ACSF3: variants seen among roughly 807,000 people sequenced by gnomAD.
ACSF3 encodes acyl-CoA synthetase family member 3.
In ACSF3, 78 loss-of-function variants were observed where a neutral mutation model predicts 53.2. The ratio of observed to expected loss-of-function variants is 1.47; its 90% CI spans 1.22 to 1.77. The LOEUF is 1.77. ACSF3 is among the 40% of genes most tolerant of loss of function. The probability of loss-of-function intolerance (pLI) is 0.00; values close to 1 mark genes in which losing one functional copy is unlikely to be tolerated. For missense variants in ACSF3, 937 were observed against 771.1 expected (o/e 1.22, Z -2.55); for synonymous variants, 414 against 333.1 (o/e 1.24, Z -2.65).
intron 2 of ACSF3, among the ~76,000 whole-genome samples, chr16:89,099,502 TG>T (rs1313636914): frequency 1.3e-5 from 2 of 152,190 alleles, no homozygotes; most frequent in African/African-American, 2.4e-5. Flanking sequence ...TTGGCTTGGC[TG>T]GGTGCAGTGG....
intron 8 of ACSF3, among the ~76,000 whole-genome samples, chr16:89,134,033 C>A (rs966412568): frequency 6.6e-6 from 1 of 152,160 alleles, no homozygotes; most frequent in East Asian, 1.9e-4. Flanking sequence ...CCCCATGGGG[C>A]GTATTTGGAC....
At chr16:89,148,101 G>GTTTTTTTTTTTT (rs71158780) in intron 10 of ACSF3, 1 of 117,670 alleles carries the variant, frequency 8.5e-6, no homozygotes, top group African/African-American at 3.3e-5. Context: ...TTCTTTTTTG[G>GTTTTTTTTTTTT]TTTTTTTTTT....
chr16:89,144,733 G>GCAGCACAGCCAGGAGGCC (rs1267308844), intron 8 of ACSF3, among the ~76,000 whole-genome samples: 2 of 152,334 alleles, frequency 1.3e-5, no homozygotes, highest in Admixed American at 6.5e-5. Context: ...TGCAGCAGTA[G>GCAGCACAGCCAGGAGGCC]CAGCACAGCC....
rs1974916535 is a variant in ACSF3 at position 89,098,744 on chromosome 16, C to T, written c.-40C>T. ...AACTGCGAACTTCCCCTTACCTCCT[C>T]TCTCTGGCTCGGGAGCTGGGTGAGT... On this transcript the variant is annotated 5_prime_UTR_variant, in exon 2 of 11. Coordinates refer to ENST00000614302, the MANE Select transcript of ACSF3 (RefSeq NM_001243279.3). 1 of 454,192 alleles carries T rather than the reference C, an allele frequency of 2.2e-6. No individual in the cohort carries two copies. Among genetic ancestry groups the T allele is most frequent in the Non-Finnish European group, 4.4e-6 (1 of 226,806 alleles). 28.1% of individuals were successfully genotyped at this position (454,192 alleles called of 1,614,324 possible). A position where few individuals can be genotyped will look rare whatever the true frequency, so the allele number is the denominator to read the frequency against.
chr16:89,095,680 T>C (rs957231432), intron 1 of ACSF3, among the ~76,000 whole-genome samples: 6 of 152,222 alleles, frequency 3.9e-5, no homozygotes, highest in Non-Finnish European at 5.9e-5. Context: ...TTCATTTGAA[T>C]GCGAGTGTCA....
At chr16:89,098,022 C>T (rs752971244) in intron 1 of ACSF3, among the ~76,000 whole-genome samples, 9 of 151,840 alleles carry the variant, frequency 5.9e-5, no homozygotes, top group Admixed American at 1.3e-4. Context: ...TGCAGTGAGC[C>T]GAGATCGTGC....
At chr16:89,146,601 C>G (rs1220730295) in intron 10 of ACSF3, among the ~76,000 whole-genome samples, 1 of 152,222 alleles carries the variant, frequency 6.6e-6, no homozygotes, top group Admixed American at 6.5e-5. Flanking sequence ...CCAGTCAGTT[C>G]CACGGAGACC....
chr16:89,114,212 C>A (rs1225649130), intron 5 of ACSF3, 127 bp from the exon 6 acceptor site: 38 of 1,304,552 alleles, frequency 2.9e-5, no homozygotes, highest in Non-Finnish European at 1.2e-5. Flanking sequence ...GCCTGGGGCT[C>A]CTGCACTCGT....
chr16:89,137,344 C>T (rs1247756643), intron 8 of ACSF3, among the ~76,000 whole-genome samples: 7 of 137,680 alleles, frequency 5.1e-5, no homozygotes, highest in East Asian at 2.0e-4. Context: ...CCCCGGGTCT[C>T]GGGAGGACCA....
intron 7 of ACSF3, among the ~76,000 whole-genome samples, chr16:89,125,948 C>T (rs1018906183): frequency 2.0e-5 from 3 of 151,660 alleles, no homozygotes; most frequent in Non-Finnish European, 4.4e-5. Flanking sequence ...TCCGTGAACA[C>T]GGTATGTCTC....
intron 8 of ACSF3, among the ~76,000 whole-genome samples, chr16:89,142,094 C>T (rs1185680085): frequency 2.6e-5 from 4 of 152,134 alleles, no homozygotes; most frequent in Non-Finnish European, 5.9e-5. Context: ...CGGTTCTTCC[C>T]TCCGCATGGC....
rs1567682852 is a variant in ACSF3 at position 89,100,668 on chromosome 16, C to T, written c.-14C>T. Reference sequence around the variant, plus strand: ...GTGCCTTGCCTTTCTCCAGCTCGGCCGCCTGTCAGTGCAATGCTGCCCCAT... The same window carrying T: ...GTGCCTTGCCTTTCTCCAGCTCGGCTGCCTGTCAGTGCAATGCTGCCCCAT... On this transcript the variant is annotated 5_prime_UTR_variant, in exon 3 of 11. Coordinates refer to ENST00000614302, the MANE Select transcript of ACSF3 (RefSeq NM_001243279.3). 5 of 1,458,102 alleles carry T rather than the reference C, an allele frequency of 3.4e-6. No individual in the cohort carries two copies. Among genetic ancestry groups the T allele is most frequent in the African/African-American group, 2.5e-5 (1 of 39,370 alleles). 90.3% of individuals were successfully genotyped at this position (1,458,102 alleles called of 1,614,324 possible).
At chr16:89,144,782 G>A (rs1912572176) in intron 8 of ACSF3, among the ~76,000 whole-genome samples, 1 of 152,184 alleles carries the variant, frequency 6.6e-6, no homozygotes, top group African/African-American at 2.4e-5. Flanking sequence ...CCTGAGGGAG[G>A]GTAAAGCATC....
In ACSF3 at chr16:89,100,752, C is replaced by A; in HGVS notation, c.71C>A (p.Ala24Glu). 1 of 1,607,320 alleles carries A rather than the reference C, an allele frequency of 6.2e-7. No individual in the cohort carries two copies. Reference sequence around the variant, plus strand: ...TTGGCGTCCTGCCGGCTGGCGCCTGCGAGACACAGAGGAAGTGGTCTTCTG... The same window carrying A: ...TTGGCGTCCTGCCGGCTGGCGCCTGAGAGACACAGAGGAAGTGGTCTTCTG... ...CALASCRLAP[A>E]RHRGSGLLHT... is the part of the protein sequence containing the mutation. The change falls in exon 3 of 11, where the codon GCG (alanine) becomes GAG (glutamate). Residue 24 changes from alanine (A) to glutamate (E), a missense_variant. By Grantham distance (107) the Ala-to-Glu change is moderately radical. Coordinates refer to ENST00000614302, the MANE Select transcript of ACSF3 (RefSeq NM_001243279.3).
intron 4 of ACSF3, among the ~76,000 whole-genome samples, chr16:89,106,650 C>T (rs2151428361): frequency 6.6e-6 from 1 of 152,348 alleles, no homozygotes; most frequent in Middle Eastern, 3.4e-3. Flanking sequence ...CAACTCTTTT[C>T]CATAAACTCC....
In ACSF3 at chr16:89,094,016, C is replaced by A. The variant is rs10163379; in HGVS notation, c.-194+20C>A. On this transcript the variant is annotated intron_variant, in intron 1 of 10. Transcript: ENST00000614302. The stretch of plus-strand genomic sequence containing the variant: ...TCGTAGGTGCGGGCGGCGGGGCCCA[C>A]GGGACCGCGGCGGGGTCGGCCGGGC... 35 of 160,132 alleles carry A rather than the reference C, an allele frequency of 2.2e-4. No individual in the cohort carries two copies. The highest frequency in any genetic ancestry group is 7.9e-4 in the Admixed American group (12 of 15,244). 9.9% of individuals were successfully genotyped at this position (160,132 alleles called of 1,614,324 possible).
chr16:89,145,716 C>T (rs1441983090), intron 9 of ACSF3, among the ~76,000 whole-genome samples: 2 of 152,204 alleles, frequency 1.3e-5, no homozygotes, highest in African/African-American at 4.8e-5. Context: ...AGGCAGAGCC[C>T]CTGTGAGTGC....
rs1280077104 is a variant in ACSF3, at chr16:89,156,138, C to T, written c.*1931C>T. On this transcript the variant is annotated 3_prime_UTR_variant, in exon 11 of 11. Coordinates refer to ENST00000614302, the MANE Select transcript of ACSF3 (RefSeq NM_001243279.3). ...ACAGTCCGCCAGTGCCCAGCCAGGC[C>T]CCTGGTTCCCCTCTGCTCCACCAGC... Among the ~76,000 whole-genome samples the T allele has an allele frequency of 1.3e-5, 2 of 152,142 alleles. No individual in the cohort carries two copies. The highest frequency in any genetic ancestry group is 4.8e-5 in the African/African-American group (2 of 41,436).
intron 7 of ACSF3, among the ~76,000 whole-genome samples, chr16:89,127,163 T>G (rs1159171471): frequency 2.6e-5 from 4 of 152,162 alleles, no homozygotes; most frequent in African/African-American, 9.7e-5. Context: ...CATAAGAAAT[T>G]TTGGTCTGTA....
Sources: gnomAD v4.1 joint callset for allele counts (sites outside exome capture counted in the v4.1 genomes callset) on GRCh38, gnomAD v4.1.1 for gene constraint, MANE v1.5 for transcripts, NCBI Gene and HGNC (gene_info 2026-07-23, HGNC 2026-07-21) for gene names.